CAV3: variants seen among roughly 807,000 people sequenced by gnomAD.
CAV3 encodes the protein caveolin 3, also known as caveolin-3.
Under a neutral mutation model 13.4 loss-of-function variants are expected in CAV3, and 10 were observed. The ratio of observed to expected loss-of-function variants is 0.75; its 90% CI spans 0.46 to 1.27. The LOEUF (loss-of-function observed/expected upper bound fraction) is 1.27, where lower values mean the gene tolerates loss of function less well. CAV3 is among the 50% of genes most tolerant of loss of function. The pLI is 0.00. For missense variants in CAV3, 162 were observed against 194.0 expected (o/e 0.83, Z 0.98); for synonymous variants, 90 against 79.0 (o/e 1.14, Z -0.74).
At chr3:8,742,360 CAA>C (rs36055094) in intron 1 of CAV3, 1,563 of 240,992 alleles carry the variant, frequency 6.5e-3, no homozygotes, top group South Asian at 0.016. Flanking sequence ...CTGCAAACAC[CAA>C]AAAAAAAAAA....
rs7629329 is a variant in CAV3 at position 8,746,650 on chromosome 3, A to G, written c.*783A>G. The G allele has an allele frequency of 0.31, 46,382 of 152,020 alleles. 7,548 individuals carry two copies. The highest frequency in any genetic ancestry group is 0.39 in the Admixed American group (5,887 of 15,272). 9.4% of individuals were successfully genotyped at this position (152,020 alleles called of 1,614,324 possible). ...TAACCGAGCCCCTGAAATGCCCAGT[A>G]CTGCCATTTGACATGAGGGTACCTT... On this transcript the variant is annotated 3_prime_UTR_variant, in exon 2 of 2. Transcript: ENST00000343849.
At chr3:8,734,389 G>A (rs1014773730) in intron 1 of CAV3, among the ~76,000 whole-genome samples, 1 of 152,204 alleles carries the variant, frequency 6.6e-6, no homozygotes, top group African/African-American at 2.4e-5. Context: ...TCTCCAGTGG[G>A]TGCAGGGTTA....
rs773309037 is a variant in CAV3 at position 8,745,811 on chromosome 3, G to A, written c.400G>A (p.Ala134Thr). 1.2e-5 allele frequency: 20 copies of A among 1,613,666 alleles called. No individual in the cohort carries two copies. Among genetic ancestry groups the A allele is most frequent in the Admixed American group, 6.7e-5 (4 of 60,008 alleles). ...CIRTFCNPLF[A>T]ALGQVCSSIK... ...CCGCACCTTCTGCAACCCACTCTTC[G>A]CGGCCCTGGGCCAGGTCTGCAGCAG... The change falls in exon 2 of 2, where the codon GCG becomes ACG. Residue 134 changes from alanine to threonine, a missense_variant. Transcript: ENST00000343849. The surrounding 1 kb of genome is among the most constrained non-coding windows in gnomAD (Gnocchi z 4.8).
intron 1 of CAV3, among the ~76,000 whole-genome samples, chr3:8,738,659 A>C (rs758110730): frequency 6.6e-6 from 1 of 152,220 alleles, no homozygotes; most frequent in African/African-American, 2.4e-5. Context: ...AAAAATTAAA[A>C]ATGTGAAATG....
At chr3:8,738,047 T>TCC (rs57244781) in intron 1 of CAV3, among the ~76,000 whole-genome samples, 53,942 of 151,280 alleles carry the variant, frequency 0.36, 10,331 homozygotes, top group African/African-American at 0.52. Context: ...CTTCTCTCTC[T>TCC]CTCTCTCTCC....
At chr3:8,735,366 A>AT (rs1707718690) in intron 1 of CAV3, among the ~76,000 whole-genome samples, 1 of 152,196 alleles carries the variant, frequency 6.6e-6, no homozygotes, top group African/African-American at 2.4e-5. Flanking sequence ...TGTGCTTCCT[A>AT]TACCCACAGT....
At chr3:8,734,329 C>T (rs1008261020) in intron 1 of CAV3, among the ~76,000 whole-genome samples, 54 of 152,320 alleles carry the variant, frequency 3.5e-4, no homozygotes, top group African/African-American at 1.2e-3. Context: ...GGAACAGGAA[C>T]GGGCGGCCAA....
At chr3:8,738,035 G>A (rs1372493045) in intron 1 of CAV3, among the ~76,000 whole-genome samples, 1 of 126,418 alleles carries the variant, frequency 7.9e-6, no homozygotes, top group Non-Finnish European at 1.7e-5. Context: ...TCTCTCCTCT[G>A]TCTTCTCTCT....
chr3:8,746,089 T>C lies in CAV3; in HGVS notation c.*222T>C, dbSNP rs1553614494. 5.6e-6 allele frequency: 3 copies of C among 531,418 alleles called. No individual in the cohort carries two copies. Among genetic ancestry groups the C allele is most frequent in the South Asian group, 5.4e-5 (2 of 37,266 alleles). 32.9% of individuals were successfully genotyped at this position (531,418 alleles called of 1,614,324 possible). On this transcript the variant is annotated 3_prime_UTR_variant, in exon 2 of 2. Transcript: ENST00000343849. ...CCCCAGCCCCACCATGATGCCCCCA[T>C]GCCTGGGCGTGGGGGAAGATCATTT... is the stretch of plus-strand genomic sequence containing the variant.
At chr3:8,739,020 G>A (rs962801637) in intron 1 of CAV3, among the ~76,000 whole-genome samples, 3 of 152,148 alleles carry the variant, frequency 2.0e-5, no homozygotes, top group African/African-American at 7.2e-5. Flanking sequence ...AATAATAGAG[G>A]GTCATCCAAT....
chr3:8,737,494 A>G (rs923487781), intron 1 of CAV3, among the ~76,000 whole-genome samples: 45 of 152,194 alleles, frequency 3.0e-4, no homozygotes, highest in African/African-American at 1.0e-3. Flanking sequence ...CCCTGCCTTT[A>G]AACCCAGGCA....
At chr3:8,736,237 T>C (rs1027663839) in intron 1 of CAV3, among the ~76,000 whole-genome samples, 1 of 152,212 alleles carries the variant, frequency 6.6e-6, no homozygotes. Context: ...TTTCTGAGAC[T>C]CAGTTTCCCC....
chr3:8,740,524 G>A (rs958195797), intron 1 of CAV3, among the ~76,000 whole-genome samples: 1 of 152,174 alleles, frequency 6.6e-6, no homozygotes, highest in Non-Finnish European at 1.5e-5. Flanking sequence ...AGGGCTTAGT[G>A]GATTGCTGAG....
chr3:8,738,038 T>TTCTC (rs71634725), intron 1 of CAV3, among the ~76,000 whole-genome samples: 13,943 of 127,232 alleles, frequency 0.11, 853 homozygotes, highest in Non-Finnish European at 0.16. Flanking sequence ...CTCCTCTGTC[T>TTCTC]TCTCTCTCTC....
At chr3:8,739,131 G>A (rs1707858129) in intron 1 of CAV3, among the ~76,000 whole-genome samples, 1 of 152,148 alleles carries the variant, frequency 6.6e-6, no homozygotes, top group African/African-American at 2.4e-5. Flanking sequence ...TCACACTGAG[G>A]TATTACAACT....
chr3:8,745,484 G>C lies in CAV3; in HGVS notation c.115-42G>C, dbSNP rs1708124478. On this transcript the variant is annotated intron_variant, in intron 1 of 1. Transcript: ENST00000343849. This position sits in a 1 kb window ranked among gnomAD's most constrained non-coding sequence, Gnocchi z 4.8. Reference sequence around the variant, plus strand: ...ACACACCCAAAAGCTTGAGAAGCGGGTGGCTTCTGTGAGTTGAGGCTTCCC... The same window carrying C: ...ACACACCCAAAAGCTTGAGAAGCGGCTGGCTTCTGTGAGTTGAGGCTTCCC... The C allele has an allele frequency of 8.6e-7, 1 of 1,163,632 alleles. No individual in the cohort carries two copies. The highest frequency in any genetic ancestry group is 1.3e-6 in the Non-Finnish European group (1 of 789,752). 72.1% of individuals were successfully genotyped at this position (1,163,632 alleles called of 1,614,324 possible).
chr3:8,743,906 GT>G (rs769640631), intron 1 of CAV3, among the ~76,000 whole-genome samples: 11 of 152,244 alleles, frequency 7.2e-5, no homozygotes, highest in Non-Finnish European at 1.0e-4. Context: ...TTAATTCTCT[GT>G]GATATGGCCA....
intron 1 of CAV3, among the ~76,000 whole-genome samples, chr3:8,741,140 T>C (rs1028562265): frequency 3.3e-5 from 5 of 152,222 alleles, no homozygotes; most frequent in Non-Finnish European, 7.3e-5. Flanking sequence ...CTTCCTACTT[T>C]GTAGGCCAGT....
At chr3:8,738,968 G>A (rs1239329740) in intron 1 of CAV3, among the ~76,000 whole-genome samples, 2 of 152,212 alleles carry the variant, frequency 1.3e-5, no homozygotes, top group East Asian at 3.8e-4. Flanking sequence ...GATCTGAAAG[G>A]GAATTTGTGG....
Sources: allele counts gnomAD v4.1 joint callset (sites outside exome capture counted in the v4.1 genomes callset), GRCh38; gene constraint gnomAD v4.1.1; non-coding constraint Gnocchi (gnomAD v3.1); transcripts MANE v1.5; gene names NCBI Gene and HGNC (gene_info 2026-07-23, HGNC 2026-07-21).